Variants in DGKB observed in about 807,000 individuals in gnomAD.
DGKB encodes the protein diacylglycerol kinase beta, also known as 90 kDa diacylglycerol kinase.
DGKB carries 67 observed loss-of-function variants against 114.3 expected under a neutral mutation model. That is an observed-to-expected ratio of 0.59 (90% CI 0.48 to 0.72). The LOEUF (loss-of-function observed/expected upper bound fraction) is 0.72, where lower values mean the gene tolerates loss of function less well. Ranked by LOEUF, DGKB falls within the 30% of genes least tolerant of loss-of-function variation. The pLI is 0.00. For missense variants in DGKB, 907 were observed against 975.2 expected (o/e 0.93, Z 0.93); for synonymous variants, 398 against 323.1 (o/e 1.23, Z -2.49).
At chr7:14,662,069 G>C (rs1817217134) in intron 13 of DGKB, among the ~76,000 whole-genome samples, 1 of 152,044 alleles carries the variant, frequency 6.6e-6, no homozygotes. Flanking sequence ...GTGGGGTTAG[G>C]GGAGAGGGAT....
At chr7:14,685,972 T>C (rs1485673265) in intron 9 of DGKB, among the ~76,000 whole-genome samples, 2 of 152,196 alleles carry the variant, frequency 1.3e-5, no homozygotes, top group Non-Finnish European at 2.9e-5. Context: ...CCACAAATAG[T>C]ATATTTTAAA....
intron 21 of DGKB, among the ~76,000 whole-genome samples, chr7:14,469,845 A>G (rs1039283895): frequency 6.6e-6 from 1 of 152,068 alleles, no homozygotes; most frequent in African/African-American, 2.4e-5. Context: ...TTATATAAAT[A>G]TGATAAAATG....
chr7:14,717,676 C>T (rs1174196024), intron 6 of DGKB, among the ~76,000 whole-genome samples: 1 of 152,026 alleles, frequency 6.6e-6, no homozygotes, highest in African/African-American at 2.4e-5. Context: ...TTTACATTTG[C>T]TTCAGAAGTG....
intron 21 of DGKB, among the ~76,000 whole-genome samples, chr7:14,460,518 A>T (rs577411063): frequency 6.6e-6 from 1 of 152,176 alleles, no homozygotes. Flanking sequence ...AGGGCATGAC[A>T]TAATGGTAAA....
chr7:14,833,987 A>T (rs1231495125), intron 2 of DGKB, among the ~76,000 whole-genome samples: 1 of 152,144 alleles, frequency 6.6e-6, no homozygotes, highest in East Asian at 1.9e-4. Context: ...CTCTCCGAAC[A>T]GGCTGCTGAA....
rs141275054 is a variant in DGKB at position 14,779,016 on chromosome 7, C to T, written c.71-21285G>A. On this transcript the variant is annotated intron_variant, in intron 2 of 25. Transcript: ENST00000402815. ...ACTAAAACTACACAAATTAGCTAGG[C>T]GTGGTGGCACATGCCTGTAGTCCAA... Among the ~76,000 whole-genome samples, 697 of 152,096 alleles carry T rather than the reference C, an allele frequency of 4.6e-3. 8 individuals carry two copies. The highest frequency in any genetic ancestry group is 0.015 in the African/African-American group (615 of 41,492).
At chr7:14,347,629 A>G (rs1812702257) in intron 21 of DGKB, among the ~76,000 whole-genome samples, 2 of 152,040 alleles carry the variant, frequency 1.3e-5, no homozygotes, top group South Asian at 4.1e-4. Context: ...TGGGGGAAAT[A>G]AGGAAATGTT....
chr7:14,949,285 A>G (rs530796144), intron 1 of DGKB, among the ~76,000 whole-genome samples: 1 of 152,116 alleles, frequency 6.6e-6, no homozygotes, highest in Non-Finnish European at 1.5e-5. Context: ...CACATGTTGG[A>G]GATGACTTAT....
chr7:14,720,092 A>ACG (rs368275562), intron 5 of DGKB, among the ~76,000 whole-genome samples: 26 of 151,306 alleles, frequency 1.7e-4, no homozygotes, highest in African/African-American at 4.6e-4. Flanking sequence ...CAGCACACAC[A>ACG]CACGCACGCA....
At chr7:14,692,271 C>T (rs1823005732) in intron 9 of DGKB, among the ~76,000 whole-genome samples, 1 of 152,156 alleles carries the variant, frequency 6.6e-6, no homozygotes, top group South Asian at 2.1e-4. Flanking sequence ...CCCTCGACTA[C>T]CAGATGATTT....
intron 1 of DGKB, among the ~76,000 whole-genome samples, chr7:14,929,372 C>G (rs979317981): frequency 1.3e-5 from 2 of 152,044 alleles, no homozygotes; most frequent in African/African-American, 4.8e-5. Context: ...GTTCCATTAT[C>G]TCCGCATCCT....
chr7:14,868,682 T>A (rs2128192060), intron 1 of DGKB, among the ~76,000 whole-genome samples: 1 of 152,282 alleles, frequency 6.6e-6, no homozygotes, highest in African/African-American at 2.4e-5. Context: ...AATGAGAAAT[T>A]GCCCTTCTCC....
At chr7:14,396,908 G>A (rs773491722) in intron 21 of DGKB, among the ~76,000 whole-genome samples, 3 of 152,092 alleles carry the variant, frequency 2.0e-5, no homozygotes, top group Admixed American at 6.6e-5. Context: ...AGAGGAAGAC[G>A]AATTTCTAAC....
rs149410070 is a variant in DGKB at position 14,302,701 on chromosome 7, G to C, written c.2122+35814C>G. Reference sequence around the variant, plus strand: ...CCCTATTAATTGTAGCCTTCTTAGAGACGTATTTCTTGACCAGTCATTCTA... The same window carrying C: ...CCCTATTAATTGTAGCCTTCTTAGACACGTATTTCTTGACCAGTCATTCTA... On this transcript the variant is annotated intron_variant, in intron 23 of 25. Transcript: ENST00000402815. Among the ~76,000 whole-genome samples the C allele has an allele frequency of 1.1e-4, 17 of 152,172 alleles. No homozygotes were observed. The East Asian group carries it at 3.1e-3, about 28-fold the overall frequency.
At chr7:14,291,142 C>CAAAAAA (rs373171858) in intron 23 of DGKB, among the ~76,000 whole-genome samples, 3 of 86,288 alleles carry the variant, frequency 3.5e-5, no homozygotes, top group East Asian at 3.5e-4. Context: ...AACTCCGTCT[C>CAAAAAA]AAAAAAAAAA....
chr7:14,326,134 C>A (rs1257097133), intron 23 of DGKB, among the ~76,000 whole-genome samples: 1 of 148,654 alleles, frequency 6.7e-6, no homozygotes, highest in Non-Finnish European at 1.5e-5. Flanking sequence ...AAACTAAAAA[C>A]TAAAACCTGT....
At chr7:14,385,696 A>G (rs554347013) in intron 21 of DGKB, among the ~76,000 whole-genome samples, 6 of 152,340 alleles carry the variant, frequency 3.9e-5, no homozygotes, top group African/African-American at 1.4e-4. Flanking sequence ...TAGGGTATCA[A>G]ATAAATTGCA....
At chr7:14,772,075 T>C (rs568195141) in intron 2 of DGKB, among the ~76,000 whole-genome samples, 1 of 152,276 alleles carries the variant, frequency 6.6e-6, no homozygotes, top group African/African-American at 2.4e-5. Flanking sequence ...CTGTCCCGCC[T>C]TTCTGAACCA....
At chr7:14,870,408 A>G (rs1852279416) in intron 1 of DGKB, among the ~76,000 whole-genome samples, 1 of 152,154 alleles carries the variant, frequency 6.6e-6, no homozygotes, top group Non-Finnish European at 1.5e-5. Flanking sequence ...TTTCCCAACC[A>G]TCTCTGAAAA....
Sources: allele counts gnomAD v4.1 joint callset (sites outside exome capture counted in the v4.1 genomes callset), GRCh38; gene constraint gnomAD v4.1.1; transcripts MANE v1.5; gene names NCBI Gene and HGNC (gene_info 2026-07-23, HGNC 2026-07-21).